The following CLBA1 variants were observed in gnomAD, a reference collection of about 807,000 sequenced individuals.
CLBA1 encodes the protein clathrin binding box of aftiphilin containing 1, also known as uncharacterized protein CLBA1.
Under a neutral mutation model 28.8 loss-of-function variants are expected in CLBA1, and 30 were observed. That is an observed-to-expected ratio of 1.04 (90% CI 0.78 to 1.41). The LOEUF is 1.41. Ranked by LOEUF, CLBA1 falls within the 40% of genes most tolerant of loss-of-function variation. The probability of loss-of-function intolerance (pLI) is 0.00; values close to 1 mark genes in which losing one functional copy is unlikely to be tolerated. For synonymous variants in CLBA1, 160 were observed against 152.8 expected (o/e 1.05, Z -0.35); for missense variants, 451 against 412.3 (o/e 1.09, Z -0.81).
chr14:104,991,771 G>T (rs560823485), intron 3 of CLBA1, 151 bp downstream of exon 3: 3 of 931,404 alleles, frequency 3.2e-6, no homozygotes, highest in South Asian at 3.3e-5. Flanking sequence ...AACGTGTCAG[G>T]GCCACTGGAT....
chr14:104,993,092 G>A, intron 4 of CLBA1, 28 bp downstream of exon 4: 1 of 1,604,960 alleles, frequency 6.2e-7, no homozygotes, highest in Non-Finnish European at 8.5e-7. Flanking sequence ...AGAGGCCTCA[G>A]GGAACCGCGC....
chr14:104,987,789 TTATATA>T (rs5811162), intron 1 of CLBA1, among the ~76,000 whole-genome samples: 1 of 144,880 alleles, frequency 6.9e-6, no homozygotes, highest in East Asian at 2.0e-4. Context: ...GGCTAACTTT[TTATATA>T]TATATATATA....
Position 104,995,368 on chromosome 14 carries a change from G to A in CLBA1, c.*609G>A. On this transcript the variant is annotated 3_prime_UTR_variant, in exon 5 of 5. Coordinates refer to ENST00000547315, the MANE Select transcript of CLBA1 (RefSeq NM_174891.4). ...CTTTGTCCCTCACGGTTGTGGACAG[G>A]AGGTCGCACCACTGGCCTGCGAGAG... 3.0e-6 allele frequency: 3 copies of A among 985,472 alleles called. No homozygotes were observed. The highest frequency in any genetic ancestry group is 9.4e-5 in the South Asian group (2 of 21,280). The allele number at this position is 985,472 out of a possible 1,614,324, so 61.0% of individuals were successfully genotyped here.
At chr14:104,992,813 G>C in intron 3 of CLBA1, 135 bp from the exon 4 acceptor site, 1 of 798,856 alleles carries the variant, frequency 1.3e-6, no homozygotes, top group Non-Finnish European at 2.2e-6. Context: ...AGGGGAAACT[G>C]GTGCGCTGAC....
At position 104,994,555 on chromosome 14, in the gene CLBA1, T is replaced by C. The variant is rs746092093; in HGVS notation, c.817-43T>C. Reference sequence around the variant, plus strand: ...CAAACGCCCAAGCTAGCGCTTCTCATTGCCCGGGGTGCGCGCGCCTGACTG... The same window carrying C: ...CAAACGCCCAAGCTAGCGCTTCTCACTGCCCGGGGTGCGCGCGCCTGACTG... On this transcript the variant is annotated intron_variant, in intron 4 of 4. Coordinates refer to ENST00000547315, the MANE Select transcript of CLBA1 (RefSeq NM_174891.4). 9 of 1,566,186 alleles carry C rather than the reference T, an allele frequency of 5.7e-6. No homozygotes were observed. In the East Asian group the frequency reaches 2.0e-4, roughly 35 times the overall value.
chr14:104,988,658 C>T (rs1333587204), intron 1 of CLBA1, among the ~76,000 whole-genome samples: 1 of 152,200 alleles, frequency 6.6e-6, no homozygotes, highest in Non-Finnish European at 1.5e-5. Context: ...ATTTCTTAAC[C>T]AAACTGGAAA....
At chr14:104,999,035 A>G (rs1900216356), downstream of CLBA1, among the ~76,000 whole-genome samples, 1 of 152,240 alleles carries the variant, frequency 6.6e-6, no homozygotes, top group African/African-American at 2.4e-5. Context: ...CCTCGGCCTC[A>G]GATGGACACT....
Position 104,986,602 on chromosome 14 carries a change from C to T in CLBA1, c.171C>T (p.Pro57=), listed in dbSNP as rs748694328. ...LSDGKASISM[P]REGGSTCTAR... is the part of the protein sequence containing the mutation. ...ATGGGAAAGCCAGCATCTCCATGCC[C>T]CGTGAGGGCGGTTCCACCTGCACTG... The change falls in exon 1 of 5, where the codon CCC becomes CCT. Residue 57 remains proline (P), a synonymous_variant. Coordinates refer to ENST00000547315, the MANE Select transcript of CLBA1 (RefSeq NM_174891.4). 30 of 1,614,030 alleles carry T rather than the reference C, an allele frequency of 1.9e-5. No individual in the cohort carries two copies. In the South Asian group the frequency reaches 3.3e-4, roughly 18 times the overall value.
At chr14:104,992,348 C>T (rs1038327816) in intron 3 of CLBA1, among the ~76,000 whole-genome samples, 11 of 152,374 alleles carry the variant, frequency 7.2e-5, no homozygotes, top group African/African-American at 2.4e-4. Flanking sequence ...TAGGGAGGGC[C>T]GCCTTTTCAG....
intron 3 of CLBA1, 29 bp from the exon 4 acceptor site, chr14:104,992,919 C>T (rs576549151): frequency 8.6e-6 from 13 of 1,516,486 alleles, no homozygotes; most frequent in East Asian, 4.5e-5. Flanking sequence ...ATGACTGTAC[C>T]GGCTGTCTGA....
Position 104,991,650 on chromosome 14 carries a change from T to C in CLBA1, c.699+30T>C, listed in dbSNP as rs372625346. The C allele has an allele frequency of 1.2e-4, 192 of 1,582,420 alleles. 2 individuals are homozygous for C. In the East Asian group the frequency reaches 4.2e-3, roughly 34 times the overall value. On this transcript the variant is annotated intron_variant, in intron 3 of 4. Coordinates refer to ENST00000547315, the MANE Select transcript of CLBA1 (RefSeq NM_174891.4). ...GCGGTTTGGGTTGACACAGGGCTCC[T>C]GGGAGTGTGGTTGAACTTCACTGTC...
rs113288960 is a variant in CLBA1 at position 104,986,398 on chromosome 14, C to T, written c.-34C>T. 2.0e-5 allele frequency: 32 copies of T among 1,600,664 alleles called. No homozygotes were observed. The African/African-American group carries it at 2.1e-4, about 11-fold the overall frequency. On this transcript the variant is annotated 5_prime_UTR_variant, in exon 1 of 5. Transcript: ENST00000547315. ...GGCGTGCATGTCTCCTGAGCAGCTG[C>T]CCATCGGGCCTCTGCTGGCCTGGGG...
In CLBA1 at chr14:104,986,400, C is replaced by T. The variant is rs566525388; in HGVS notation, c.-32C>T. On this transcript the variant is annotated 5_prime_UTR_variant, in exon 1 of 5. Coordinates refer to ENST00000547315, the MANE Select transcript of CLBA1 (RefSeq NM_174891.4). ...CGTGCATGTCTCCTGAGCAGCTGCC[C>T]ATCGGGCCTCTGCTGGCCTGGGGGC... is the stretch of plus-strand genomic sequence containing the variant. 15 of 1,602,636 alleles carry T rather than the reference C, an allele frequency of 9.4e-6. No individual in the cohort carries two copies. The highest frequency in any genetic ancestry group is 1.3e-5 in the Non-Finnish European group (15 of 1,176,302).
intron 1 of CLBA1, among the ~76,000 whole-genome samples, chr14:104,988,289 T>C (rs1309429292): frequency 6.6e-6 from 1 of 152,066 alleles, no homozygotes; most frequent in Non-Finnish European, 1.5e-5. Flanking sequence ...CGAGCCTTTG[T>C]CTTTTCCAAG....
At chr14:104,992,471 G>A (rs1201886350) in intron 3 of CLBA1, among the ~76,000 whole-genome samples, 16 of 152,380 alleles carry the variant, frequency 1.1e-4, no homozygotes, top group Non-Finnish European at 7.3e-5. Context: ...TGAAGACAGG[G>A]GCATGAAAAT....
chr14:104,998,493 G>C (rs1900205979), downstream of CLBA1, among the ~76,000 whole-genome samples: 1 of 152,212 alleles, frequency 6.6e-6, no homozygotes, highest in South Asian at 2.1e-4. Context: ...TTGGGTTAGA[G>C]ACAGGGTCTT....
intron 1 of CLBA1, among the ~76,000 whole-genome samples, chr14:104,987,121 A>T (rs1899887230): frequency 6.6e-6 from 1 of 152,212 alleles, no homozygotes; most frequent in Admixed American, 6.5e-5. Flanking sequence ...CTTTCTGACC[A>T]TTCCTCCCCC....
chr14:104,998,428 A>AT (rs1900205169), downstream of CLBA1, among the ~76,000 whole-genome samples: 1 of 151,358 alleles, frequency 6.6e-6, no homozygotes, highest in Non-Finnish European at 1.5e-5. Flanking sequence ...AAAAAAAAAA[A>AT]GAATTAAGTA....
rs538071525 is a variant in CLBA1 at position 104,986,781 on chromosome 14, A to C, written c.350A>C (p.Lys117Thr). The C allele has an allele frequency of 5.0e-6, 8 of 1,613,178 alleles. No homozygotes were observed. The South Asian group carries it at 7.7e-5, about 15-fold the overall frequency. ...PQPPRTTSAP[K>T]ECSSHQPCQG... Reference sequence around the variant, plus strand: ...CCACCGAGAACCACTTCTGCCCCAAAAGAGTGCAGTTCTCACCAACCATGC... The same window carrying C: ...CCACCGAGAACCACTTCTGCCCCAACAGAGTGCAGTTCTCACCAACCATGC... Residue 117 changes from lysine to threonine, a missense_variant, in exon 1 of 5, where the codon AAA becomes ACA. Coordinates refer to ENST00000547315, the MANE Select transcript of CLBA1 (RefSeq NM_174891.4).
Sources: gnomAD v4.1 joint callset for allele counts (sites outside exome capture counted in the v4.1 genomes callset) on GRCh38, gnomAD v4.1.1 for gene constraint, MANE v1.5 for transcripts, NCBI Gene and HGNC (gene_info 2026-07-23, HGNC 2026-07-21) for gene names.